The following ZNF277 variants were observed in gnomAD, a reference collection of about 807,000 sequenced individuals.
The protein encoded by ZNF277 is nuclear receptor-interacting factor 4.
ZNF277 carries 55 observed loss-of-function variants against 60.7 expected under a neutral mutation model. The ratio of observed to expected loss-of-function variants is 0.91; its 90% CI spans 0.73 to 1.13. The LOEUF (loss-of-function observed/expected upper bound fraction) is 1.13, where lower values mean the gene tolerates loss of function less well. Among genes scored for constraint, ZNF277 ranks in the 50% most tolerant of loss-of-function variants. ZNF277 has a pLI of 0.00. For missense variants in ZNF277, 510 were observed against 523.0 expected, an observed-to-expected ratio of 0.98 and a Z score of 0.24; for synonymous variants, 178 against 179.3, an observed-to-expected ratio of 0.99 and a Z score of 0.06.
chr7:112,281,322 C>CA (rs1791938837), intron 1 of ZNF277, among the ~76,000 whole-genome samples: 1 of 152,098 alleles, frequency 6.6e-6, no homozygotes, highest in South Asian at 2.1e-4. Flanking sequence ...ATTTGGAAAC[C>CA]ACTGCTCTAA....
chr7:112,264,681 A>G (rs1339068994), intron 1 of ZNF277, among the ~76,000 whole-genome samples: 1 of 152,138 alleles, frequency 6.6e-6, no homozygotes, highest in African/African-American at 2.4e-5. Context: ...TACCTCAGAG[A>G]TATTAAGGGT....
chr7:112,247,296 G>A (rs1012567449), intron 1 of ZNF277, among the ~76,000 whole-genome samples: 6 of 152,024 alleles, frequency 3.9e-5, no homozygotes, highest in Non-Finnish European at 7.4e-5. Context: ...TTTTGTCTCC[G>A]TTTCTTCCTT....
intron 5 of ZNF277, among the ~76,000 whole-genome samples, chr7:112,319,098 C>A (rs1451234994): frequency 6.6e-6 from 1 of 152,076 alleles, no homozygotes; most frequent in Admixed American, 6.6e-5. Context: ...CAGCAACCAG[C>A]AACCTACTCT....
At chr7:112,221,147 C>T (rs553304436) in intron 1 of ZNF277, among the ~76,000 whole-genome samples, 11 of 152,260 alleles carry the variant, frequency 7.2e-5, no homozygotes, top group African/African-American at 2.4e-4. Context: ...TTGCCGCTCC[C>T]GATTGGGCTA....
intron 1 of ZNF277, among the ~76,000 whole-genome samples, chr7:112,286,440 C>T (rs1396591465): frequency 6.6e-6 from 1 of 152,210 alleles, no homozygotes; most frequent in Non-Finnish European, 1.5e-5. Context: ...GGCCTGGCAT[C>T]ATCTGTCGCC....
intron 1 of ZNF277, among the ~76,000 whole-genome samples, chr7:112,271,856 T>C (rs2117039312): frequency 6.6e-6 from 1 of 152,280 alleles, no homozygotes; most frequent in East Asian, 1.9e-4. Context: ...AATGAGATAT[T>C]TGGATACACA....
At chr7:112,311,772 G>A (rs1333933410) in intron 4 of ZNF277, among the ~76,000 whole-genome samples, 2 of 152,006 alleles carry the variant, frequency 1.3e-5, no homozygotes, top group African/African-American at 4.8e-5. Flanking sequence ...GAAGAAAATA[G>A]AAAAGAAAAA....
intron 1 of ZNF277, among the ~76,000 whole-genome samples, chr7:112,247,681 T>C (rs1791114889): frequency 6.6e-6 from 1 of 152,088 alleles, no homozygotes; most frequent in Admixed American, 6.6e-5. Flanking sequence ...TGTAACATAA[T>C]AGGCATCCAG....
rs147989114 is a variant in ZNF277, at chr7:112,327,810, A to G, written c.651A>G (p.Leu217=). The part of the protein sequence containing the change: ...IVNCNEFLCT[L]QKKLDNLQCL... ...ACTGCAATGAATTTTTGTGTACATT[A>G]CAGAAAAAGCTTGACAAGTAAGTAC... The change falls in exon 6 of 12, where the codon TTA becomes TTG. Residue 217 remains leucine (L), a synonymous_variant. Coordinates refer to ENST00000361822, the MANE Select transcript of ZNF277 (RefSeq NM_021994.3). The G allele has an allele frequency of 2.4e-5, 38 of 1,609,530 alleles. No homozygotes were observed. In the African/African-American group the frequency reaches 4.7e-4, roughly 20 times the overall value.
chr7:112,337,893 C>G, intron 9 of ZNF277, 67 bp downstream of exon 9: 2 of 1,303,132 alleles, frequency 1.5e-6, no homozygotes, highest in East Asian at 4.9e-5. Flanking sequence ...ATTGTTGCAC[C>G]CTCATCTGCT....
At chr7:112,320,154 A>G (rs966526286) in intron 5 of ZNF277, among the ~76,000 whole-genome samples, 3 of 152,066 alleles carry the variant, frequency 2.0e-5, no homozygotes, top group African/African-American at 7.2e-5. Context: ...TTCTTACAGT[A>G]TTAGTATTTG....
Position 112,260,590 on chromosome 7 carries a change from C to T in ZNF277, c.92-26283C>T, listed in dbSNP as rs186342314. Among the ~76,000 whole-genome samples the T allele has an allele frequency of 1.6e-3, 248 of 152,182 alleles. 1 individual carries two copies. Among genetic ancestry groups the T allele is most frequent in the African/African-American group, 5.4e-3 (223 of 41,516 alleles). ...TTTTCCTAGCGTTATGTAACATCAA[C>T]GTATATTCTTGAATAAACCCCTCAG... On this transcript the variant is annotated intron_variant, in intron 1 of 11. Transcript: ENST00000361822.
At chr7:112,304,226 A>G (rs1350703617) in intron 4 of ZNF277, among the ~76,000 whole-genome samples, 1 of 152,142 alleles carries the variant, frequency 6.6e-6, no homozygotes, top group Non-Finnish European at 1.5e-5. Flanking sequence ...GTTTTAGTAC[A>G]GTTATCCCTG....
chr7:112,261,909 A>G (rs1309690645), intron 1 of ZNF277, among the ~76,000 whole-genome samples: 1 of 152,080 alleles, frequency 6.6e-6, no homozygotes, highest in African/African-American at 2.4e-5. Context: ...ACATCTTTTG[A>G]CTTATACCAA....
At chr7:112,256,431 T>G (rs370619516) in intron 1 of ZNF277, among the ~76,000 whole-genome samples, 8,048 of 143,558 alleles carry the variant, frequency 0.056, 332 homozygotes, top group South Asian at 0.14. Flanking sequence ...GTTTTTTTTT[T>G]TTTTTTTTTT....
chr7:112,249,534 A>G (rs1346086946), intron 1 of ZNF277, among the ~76,000 whole-genome samples: 1 of 152,092 alleles, frequency 6.6e-6, no homozygotes, highest in Non-Finnish European at 1.5e-5. Context: ...AGAGTCCTGA[A>G]AAAGAGGTAC....
chr7:112,247,368 A>G (rs971992027), intron 1 of ZNF277, among the ~76,000 whole-genome samples: 4 of 152,226 alleles, frequency 2.6e-5, no homozygotes, highest in African/African-American at 9.6e-5. Context: ...ATGATGGAAT[A>G]CGGTGCAGCT....
intron 1 of ZNF277, among the ~76,000 whole-genome samples, chr7:112,244,855 A>G (rs1791046576): frequency 6.6e-6 from 1 of 152,144 alleles, no homozygotes; most frequent in Admixed American, 6.6e-5. Flanking sequence ...TTAGTAGTTT[A>G]AAGCCTCATA....
chr7:112,303,996 A>G (rs1276941802), intron 4 of ZNF277, among the ~76,000 whole-genome samples: 1 of 152,108 alleles, frequency 6.6e-6, no homozygotes, highest in East Asian at 1.9e-4. Flanking sequence ...ATCAACTCTC[A>G]TGGATTTGGG....
Sources: allele counts gnomAD v4.1 joint callset (sites outside exome capture counted in the v4.1 genomes callset), GRCh38; gene constraint gnomAD v4.1.1; transcripts MANE v1.5; gene names NCBI Gene and HGNC (gene_info 2026-07-23, HGNC 2026-07-21).